Variants in SCMH1 observed in about 807,000 individuals in gnomAD.
SCMH1 encodes the protein Scm polycomb group protein homolog 1, also known as polycomb protein SCMH1.
SCMH1 carries 37 observed loss-of-function variants against 70.8 expected under a neutral mutation model. That is an observed-to-expected ratio of 0.52 (90% confidence interval 0.40 to 0.69). The LOEUF (loss-of-function observed/expected upper bound fraction) is 0.69, where lower values mean the gene tolerates loss of function less well. Among genes scored for constraint, SCMH1 ranks in the 30% least tolerant of loss-of-function variants. SCMH1 has a pLI of 0.00. For missense variants in SCMH1, 607 were observed against 827.3 expected (o/e 0.73, Z 3.27); for synonymous variants, 292 against 307.4 (o/e 0.95, Z 0.52).
intron 2 of SCMH1, among the ~76,000 whole-genome samples, chr1:41,176,970 C>T (rs897535090): frequency 6.6e-5 from 10 of 152,218 alleles, no homozygotes; most frequent in African/African-American, 1.9e-4. Flanking sequence ...TCCCTGACCC[C>T]CAAGTAGCCT....
chr1:41,136,512 T>G (rs1005433103), intron 6 of SCMH1, among the ~76,000 whole-genome samples: 2 of 151,822 alleles, frequency 1.3e-5, no homozygotes, highest in African/African-American at 4.8e-5. Flanking sequence ...TAGCTGGGAC[T>G]ACAGGCATGC....
intron 8 of SCMH1, among the ~76,000 whole-genome samples, chr1:41,092,385 A>G (rs1402574230): frequency 6.6e-6 from 1 of 152,254 alleles, no homozygotes; most frequent in African/African-American, 2.4e-5. Context: ...AGATGGATTA[A>G]AGACTTAAAT....
chr1:41,185,040 T>C (rs1418826552), intron 2 of SCMH1, among the ~76,000 whole-genome samples: 3 of 152,232 alleles, frequency 2.0e-5, no homozygotes, highest in East Asian at 1.9e-4. Flanking sequence ...TGCAATATTA[T>C]GGGTTTAAAG....
intron 1 of SCMH1, among the ~76,000 whole-genome samples, chr1:41,238,318 C>T (rs1557896146): frequency 6.6e-6 from 1 of 152,104 alleles, no homozygotes; most frequent in Non-Finnish European, 1.5e-5. Flanking sequence ...GAGGTATGTG[C>T]CCTCCCACTT....
At chr1:41,182,823 A>G (rs1440444306) in intron 2 of SCMH1, among the ~76,000 whole-genome samples, 1 of 152,214 alleles carries the variant, frequency 6.6e-6, no homozygotes, top group Non-Finnish European at 1.5e-5. Context: ...AGAAAAAGAA[A>G]CAAATGCATT....
At chr1:41,028,827 C>G in intron 13 of SCMH1, 101 bp from the exon 15 acceptor site, 1 of 1,285,016 alleles carries the variant, frequency 7.8e-7, no homozygotes, top group Non-Finnish European at 1.1e-6. Context: ...GTGATGCTCA[C>G]AGTAGTGCCA....
chr1:41,114,879 T>C (rs960056576), intron 7 of SCMH1, among the ~76,000 whole-genome samples: 1 of 152,032 alleles, frequency 6.6e-6, no homozygotes, highest in African/African-American at 2.4e-5. Context: ...GGTTTTACCA[T>C]GTTGCCCAAG....
At chr1:41,163,584 A>C (rs1048449092) in intron 2 of SCMH1, among the ~76,000 whole-genome samples, 1 of 152,238 alleles carries the variant, frequency 6.6e-6, no homozygotes. Context: ...TGTTATCATA[A>C]GAAGAGAAGG....
intron 6 of SCMH1, among the ~76,000 whole-genome samples, chr1:41,141,416 C>A (rs1312515389): frequency 3.9e-5 from 6 of 152,176 alleles, no homozygotes; most frequent in Non-Finnish European, 5.9e-5. Context: ...AAAATGTCAA[C>A]CCTGATCTAG....
intron 1 of SCMH1, among the ~76,000 whole-genome samples, chr1:41,228,809 A>G (rs1042674246): frequency 3.3e-5 from 5 of 152,048 alleles, no homozygotes; most frequent in African/African-American, 4.8e-5. Context: ...AAAATTTTAA[A>G]TATTTAACCC....
chr1:41,208,570 A>T (rs1421105189), intron 1 of SCMH1, among the ~76,000 whole-genome samples: 1 of 152,210 alleles, frequency 6.6e-6, no homozygotes, highest in Admixed American at 6.5e-5. Context: ...CAGTATTAAG[A>T]AACTCACTCA....
intron 1 of SCMH1, among the ~76,000 whole-genome samples, chr1:41,209,088 C>T (rs1656342543): frequency 6.6e-6 from 1 of 151,540 alleles, no homozygotes. Context: ...ACCAAAATGC[C>T]TCTACGCAAA....
intron 6 of SCMH1, among the ~76,000 whole-genome samples, chr1:41,139,705 C>T (rs1247023253): frequency 6.6e-6 from 1 of 152,080 alleles, no homozygotes; most frequent in Non-Finnish European, 1.5e-5. Flanking sequence ...CACATACACA[C>T]ATAGACACAC....
chr1:41,222,346 AG>A (rs1659459843), intron 1 of SCMH1, among the ~76,000 whole-genome samples: 1 of 152,248 alleles, frequency 6.6e-6, no homozygotes, highest in Non-Finnish European at 1.5e-5. Context: ...TGGTGAAGAT[AG>A]GCAAAGAAAT....
intron 8 of SCMH1, among the ~76,000 whole-genome samples, chr1:41,100,577 T>C (rs1666335175): frequency 6.6e-6 from 1 of 151,030 alleles, no homozygotes; most frequent in Non-Finnish European, 1.5e-5. Context: ...CTTTTTTTTT[T>C]TTTTTTGAGA....
chr1:41,172,788 T>C (rs1646873658), intron 2 of SCMH1, among the ~76,000 whole-genome samples: 1 of 152,130 alleles, frequency 6.6e-6, no homozygotes, highest in Admixed American at 6.5e-5. Context: ...AATCCATGTA[T>C]TTACAGCCAA....
chr1:41,204,767 A>T (rs1655114764), intron 1 of SCMH1, among the ~76,000 whole-genome samples: 1 of 152,106 alleles, frequency 6.6e-6, no homozygotes, highest in South Asian at 2.1e-4. Context: ...TATTTTCCAT[A>T]TCTATTTATT....
intron 5 of SCMH1, among the ~76,000 whole-genome samples, chr1:41,145,035 G>A (rs1216936986): frequency 6.6e-6 from 1 of 151,864 alleles, no homozygotes; most frequent in Admixed American, 6.6e-5. Context: ...CCATTGTGTG[G>A]GTTGTTCTTT....
In SCMH1 at chr1:41,035,593, G is replaced by A. The variant is rs997723103; in HGVS notation, c.1678+1769C>T. On this transcript the variant is annotated intron_variant, in intron 13 of 14. Coordinates refer to ENST00000337495, the Ensembl canonical transcript of SCMH1. ...ACTCAATCTTCCCTCCTCTCTCAGA[G>A]AAAGTGTGCCTCCTTTTGGCTTAAG... Among the ~76,000 whole-genome samples, 5 of 152,258 alleles carry A rather than the reference G, an allele frequency of 3.3e-5. No individual in the cohort carries two copies. In the South Asian group the frequency reaches 1.0e-3, roughly 32 times the overall value.
Sources: gnomAD v4.1 joint callset for allele counts (sites outside exome capture counted in the v4.1 genomes callset) on GRCh38, gnomAD v4.1.1 for gene constraint, MANE v1.5 for transcripts, NCBI Gene and HGNC (gene_info 2026-07-23, HGNC 2026-07-21) for gene names.